Variants in PRKCH observed in about 807,000 individuals in gnomAD.
PRKCH encodes protein kinase C eta type.
In PRKCH, 28 loss-of-function variants were observed where a neutral mutation model predicts 82.5. That is an observed-to-expected ratio of 0.34 (90% CI 0.25 to 0.47). PRKCH has a LOEUF of 0.47. Ranked by LOEUF, PRKCH falls within the 20% of genes least tolerant of loss-of-function variation. The probability of loss-of-function intolerance (pLI) is 1.00; values close to 1 mark genes in which losing one functional copy is unlikely to be tolerated. For missense variants in PRKCH, 705 were observed against 881.8 expected (o/e 0.80, Z 2.54); for synonymous variants, 322 against 327.4 (o/e 0.98, Z 0.18).
At chr14:61,272,718 C>T (rs2045168974) in intron 1 of PRKCH, among the ~76,000 whole-genome samples, 1 of 152,196 alleles carries the variant, frequency 6.6e-6, no homozygotes, top group Non-Finnish European at 1.5e-5. Flanking sequence ...ACCCTTGCTT[C>T]TGAGTATCTA....
intron 1 of PRKCH, among the ~76,000 whole-genome samples, chr14:61,252,373 G>A (rs1048548913): frequency 1.3e-5 from 2 of 152,168 alleles, no homozygotes; most frequent in Non-Finnish European, 2.9e-5. Flanking sequence ...ACAGATTTGG[G>A]ATCTGGTCTC....
chr14:61,377,443 C>G (rs2046441325), intron 1 of PRKCH, among the ~76,000 whole-genome samples: 1 of 152,132 alleles, frequency 6.6e-6, no homozygotes, highest in African/African-American at 2.4e-5. Context: ...CTTTTGTGTC[C>G]AAATTTAAAC....
rs1273986848 is a variant in PRKCH at position 61,443,121 on chromosome 14, G to A, written c.438G>A (p.Gln146=). 1.9e-6 allele frequency: 3 copies of A among 1,613,750 alleles called. No individual in the cohort carries two copies. The highest frequency in any genetic ancestry group is 3.3e-5 in the Admixed American group (2 of 59,996). ...CCTTTTAATATATAGCTACTCTCCAGAGAGACCGGATCTTCAAACATTTTA... is the reference window on the plus strand; with the variant it reads ...CCTTTTAATATATAGCTACTCTCCAAAGAGACCGGATCTTCAAACATTTTA... ...LTGSFTEATL[Q]RDRIFKHFTR... The change falls in exon 3 of 14, where the codon CAG becomes CAA. Residue 146 remains glutamine, a synonymous_variant. Transcript: ENST00000332981.
At chr14:61,314,177 AT>A (rs1462371544) in intron 1 of PRKCH, among the ~76,000 whole-genome samples, 1 of 118,692 alleles carries the variant, frequency 8.4e-6, no homozygotes, top group African/African-American at 3.1e-5. Context: ...CTTCTTTTTT[AT>A]TGTGTATGAA....
At chr14:61,194,176 A>T (rs955415859) in intron 1 of PRKCH, among the ~76,000 whole-genome samples, 1 of 152,228 alleles carries the variant, frequency 6.6e-6, no homozygotes, top group African/African-American at 2.4e-5. Flanking sequence ...TACCACAGAG[A>T]TTATAAATAT....
At chr14:61,473,669 A>G (rs577149965) in intron 9 of PRKCH, among the ~76,000 whole-genome samples, 108 of 152,310 alleles carry the variant, frequency 7.1e-4, no homozygotes, top group Middle Eastern at 6.8e-3. Context: ...GGTGTCATCC[A>G]TGTCCTCTTG....
intron 12 of PRKCH, 93 bp downstream of exon 12, chr14:61,530,688 A>G: frequency 8.4e-7 from 1 of 1,197,328 alleles, no homozygotes; most frequent in South Asian, 1.7e-5. Context: ...CCACCAGTAA[A>G]CCACTAGCTC....
chr14:61,339,904 C>A (rs1445002461), intron 1 of PRKCH, among the ~76,000 whole-genome samples: 1 of 151,826 alleles, frequency 6.6e-6, no homozygotes, highest in Non-Finnish European at 1.5e-5. Flanking sequence ...AGGCTGGTCT[C>A]CAAGTGCGGG....
At chr14:61,431,612 A>G (rs928459045) in intron 2 of PRKCH, among the ~76,000 whole-genome samples, 3 of 151,810 alleles carry the variant, frequency 2.0e-5, no homozygotes, top group African/African-American at 7.3e-5. Context: ...AGAGTGTTCT[A>G]GAATGCATGC....
intron 1 of PRKCH, among the ~76,000 whole-genome samples, chr14:61,385,669 G>A (rs957379865): frequency 6.6e-6 from 1 of 152,200 alleles, no homozygotes; most frequent in African/African-American, 2.4e-5. Context: ...ATTGGGGCAT[G>A]TCAGGAGGAA....
chr14:61,417,940 G>C (rs1594683701), intron 2 of PRKCH, among the ~76,000 whole-genome samples: 1 of 152,332 alleles, frequency 6.6e-6, no homozygotes, highest in East Asian at 1.9e-4. Context: ...TGAAAGGGTA[G>C]AGGCCAGGTC....
chr14:61,457,830 C>T lies in PRKCH; in HGVS notation c.1278+151C>T, dbSNP rs150158019. Reference sequence around the variant, plus strand: ...CATATGGAGGTATTGGTGACTTCTGCCAACCTCTGGAGGAAAAATGGAAGC... The same window carrying T: ...CATATGGAGGTATTGGTGACTTCTGTCAACCTCTGGAGGAAAAATGGAAGC... On this transcript the variant is annotated intron_variant, in intron 9 of 13. Transcript: ENST00000332981. 3 of 1,067,826 alleles carry T rather than the reference C, an allele frequency of 2.8e-6. No individual in the cohort carries two copies. In the African/African-American group the frequency reaches 4.8e-5, roughly 17 times the overall value. The allele number at this position is 1,067,826 out of a possible 1,614,324, so 66.1% of individuals were successfully genotyped here.
At chr14:61,400,486 G>A (rs1881550026) in intron 2 of PRKCH, among the ~76,000 whole-genome samples, 1 of 152,184 alleles carries the variant, frequency 6.6e-6, no homozygotes, top group Admixed American at 6.5e-5. Context: ...GTTGAAGACA[G>A]GGTAGGAGAG....
intron 1 of PRKCH, among the ~76,000 whole-genome samples, chr14:61,188,880 C>G (rs907842906): frequency 2.0e-5 from 3 of 151,906 alleles, no homozygotes; most frequent in Non-Finnish European, 2.9e-5. Context: ...CCACCACGCC[C>G]GGCTAATTTT....
intron 1 of PRKCH, among the ~76,000 whole-genome samples, chr14:61,336,597 G>T (rs913201161): frequency 6.6e-6 from 1 of 152,176 alleles, no homozygotes; most frequent in Non-Finnish European, 1.5e-5. Context: ...ACAGAAAGAG[G>T]CCTTTGAAAA....
chr14:61,434,248 AT>A (rs1310111466), intron 2 of PRKCH, among the ~76,000 whole-genome samples: 1 of 152,218 alleles, frequency 6.6e-6, no homozygotes, highest in African/African-American at 2.4e-5. Flanking sequence ...GGAGTTGACA[AT>A]AATACCATTT....
intron 10 of PRKCH, among the ~76,000 whole-genome samples, chr14:61,502,916 C>G (rs1247246918): frequency 6.6e-6 from 1 of 151,860 alleles, no homozygotes; most frequent in Admixed American, 6.6e-5. Flanking sequence ...GGAATTCACC[C>G]TTTCGAGCCC....
intron 10 of PRKCH, among the ~76,000 whole-genome samples, chr14:61,507,719 A>G (rs1444024665): frequency 2.0e-5 from 3 of 152,142 alleles, no homozygotes; most frequent in Non-Finnish European, 4.4e-5. Context: ...AATCTAAAAT[A>G]GTCAAAATCA....
intron 1 of PRKCH, among the ~76,000 whole-genome samples, chr14:61,255,543 C>T (rs2044989615): frequency 6.6e-6 from 1 of 152,166 alleles, no homozygotes; most frequent in African/African-American, 2.4e-5. Flanking sequence ...AAAAAAAAGA[C>T]AGTCTTGTAA....
Sources: allele counts gnomAD v4.1 joint callset (sites outside exome capture counted in the v4.1 genomes callset), GRCh38; gene constraint gnomAD v4.1.1; transcripts MANE v1.5; gene names NCBI Gene and HGNC (gene_info 2026-07-23, HGNC 2026-07-21).